MAP3K13: variants seen among roughly 807,000 people sequenced by gnomAD.
MAP3K13 encodes the protein leucine zipper-bearing kinase.
MAP3K13 carries 52 observed loss-of-function variants against 104.0 expected under a neutral mutation model. The ratio of observed to expected loss-of-function variants is 0.50; its 90% confidence interval spans 0.40 to 0.63. MAP3K13 has a LOEUF of 0.63. Among genes scored for constraint, MAP3K13 ranks in the 20% least tolerant of loss-of-function variants. The probability of loss-of-function intolerance (pLI) is 0.00; values close to 1 mark genes in which losing one functional copy is unlikely to be tolerated. For synonymous variants in MAP3K13, 394 were observed against 442.2 expected (o/e 0.89, Z 1.37); for missense variants, 914 against 1,218.5 (o/e 0.75, Z 3.72).
Position 185,317,145 on chromosome 3 carries a change from ATGAAATCTGAG to A in MAP3K13, c.-86+31504_-86+31514del, listed in dbSNP as rs550075450. 3.9e-3 allele frequency among the ~76,000 whole-genome samples: 596 copies of A among 152,320 alleles called. 6 individuals carry two copies. Among genetic ancestry groups the A allele is most frequent in the African/African-American group, 0.014 (575 of 41,576 alleles). On this transcript the variant is annotated intron_variant, in intron 2 of 14. Transcript: ENST00000424227. ...AATATGTTCTGTAGAAACTCAGATT[ATGAAATCTGAG>A]TTACGTTTTTTCAGCCCTGAAAACA... is the stretch of plus-strand genomic sequence containing the variant.
At chr3:185,346,083 A>G (rs926817457) in intron 2 of MAP3K13, among the ~76,000 whole-genome samples, 2 of 152,220 alleles carry the variant, frequency 1.3e-5, no homozygotes, top group South Asian at 4.1e-4. Flanking sequence ...GTTATTAACT[A>G]TAGTCACTGT....
intron 2 of MAP3K13, among the ~76,000 whole-genome samples, chr3:185,302,157 C>G (rs1721130264): frequency 6.6e-6 from 1 of 151,736 alleles, no homozygotes. Flanking sequence ...AATCCCAGCA[C>G]TTTGGGAGGC....
At chr3:185,320,501 TAATA>T (rs1721817520) in intron 2 of MAP3K13, among the ~76,000 whole-genome samples, 1 of 152,198 alleles carries the variant, frequency 6.6e-6, no homozygotes, top group South Asian at 2.1e-4. Flanking sequence ...TACATTAGGT[TAATA>T]AATGATAATA....
Position 185,447,899 on chromosome 3 carries a change from C to T in MAP3K13, c.962C>T (p.Ala321Val), listed in dbSNP as rs1715680991. The T allele has an allele frequency of 1.2e-6, 2 of 1,613,880 alleles. No homozygotes were observed. Among genetic ancestry groups the T allele is most frequent in the South Asian group, 1.1e-5 (1 of 91,036 alleles). The change falls in exon 5 of 14, where the codon GCG becomes GTG. Residue 321 changes from alanine (A) to valine (V), a missense_variant. Coordinates refer to ENST00000265026, the MANE Select transcript of MAP3K13 (RefSeq NM_004721.5). ...MSFAGTVAWMAPEVIRNEPVS... is the reference protein window; with the variant it reads ...MSFAGTVAWMVPEVIRNEPVS... ...TTTGCTGGCACGGTCGCATGGATGG[C>T]GCCAGAGGTGATACGGAATGAACCT... is the stretch of plus-strand genomic sequence containing the variant.
At chr3:185,468,908 G>A (rs1717614920) in intron 10 of MAP3K13, among the ~76,000 whole-genome samples, 4 of 152,310 alleles carry the variant, frequency 2.6e-5, no homozygotes, top group East Asian at 1.9e-4. Flanking sequence ...AACTAAGAGC[G>A]CTGGGGGAGA....
intron 7 of MAP3K13, among the ~76,000 whole-genome samples, chr3:185,462,396 G>T (rs1466362244): frequency 1.3e-5 from 2 of 152,014 alleles, no homozygotes; most frequent in East Asian, 3.8e-4. Flanking sequence ...TAAAATTCTT[G>T]GTCCCCACCC....
intron 1 of MAP3K13, among the ~76,000 whole-genome samples, chr3:185,365,777 A>T (rs2108745214): frequency 6.6e-6 from 1 of 151,322 alleles, no homozygotes; most frequent in Non-Finnish European, 1.5e-5. Context: ...TAGAAAGGAA[A>T]ATGCCGGAAA....
At chr3:185,300,256 C>T (rs1440092475) in intron 2 of MAP3K13, among the ~76,000 whole-genome samples, 1 of 146,284 alleles carries the variant, frequency 6.8e-6, no homozygotes, top group African/African-American at 2.5e-5. Flanking sequence ...GTGGCACGAT[C>T]TCGGCTTATT....
chr3:185,456,138 A>G (rs1716730226), intron 7 of MAP3K13, among the ~76,000 whole-genome samples: 1 of 151,824 alleles, frequency 6.6e-6, no homozygotes, highest in Non-Finnish European at 1.5e-5. Context: ...TAGTAAAGGC[A>G]TAGGTTTTTG....
chr3:185,381,836 T>C (rs530113338), intron 1 of MAP3K13, among the ~76,000 whole-genome samples: 1 of 152,350 alleles, frequency 6.6e-6, no homozygotes, highest in African/African-American at 2.4e-5. Context: ...AGGTTATGTA[T>C]TGATCAGTTG....
At chr3:185,293,070 T>A (rs1216847126) in intron 2 of MAP3K13, 7 of 982,898 alleles carry the variant, frequency 7.1e-6, no homozygotes, top group Non-Finnish European at 8.5e-6. Flanking sequence ...TACTTTTTTT[T>A]TTCCTGTGAG....
chr3:185,336,498 C>T (rs575964835), intron 2 of MAP3K13, among the ~76,000 whole-genome samples: 3 of 148,268 alleles, frequency 2.0e-5, no homozygotes, highest in Admixed American at 6.8e-5. Flanking sequence ...GCCGAGATGG[C>T]GCCATTGCAC....
At position 185,451,357 on chromosome 3, in the gene MAP3K13, G is replaced by A. The variant is rs1435125743; in HGVS notation, c.1240G>A (p.Val414Ile). ...GCATTTAGACATTGCCTCTGCAGAT[G>A]TACTTGCCACCCCACAAGAAACTTA... ...LMHLDIASADVLATPQETYFK... is the reference protein window; with the variant it reads ...LMHLDIASADILATPQETYFK... Residue 414 changes from valine (V) to isoleucine (I), a missense_variant, in exon 7 of 14, where the codon GTA becomes ATA. Coordinates refer to ENST00000265026, the MANE Select transcript of MAP3K13 (RefSeq NM_004721.5). 6.2e-7 allele frequency: 1 copy of A among 1,613,738 alleles called. No homozygotes were observed. Among genetic ancestry groups the A allele is most frequent in the South Asian group, 1.1e-5 (1 of 91,076 alleles).
chr3:185,460,491 T>TCCTCC, intron 7 of MAP3K13, among the ~76,000 whole-genome samples: 1 of 152,254 alleles, frequency 6.6e-6, no homozygotes, highest in Admixed American at 6.5e-5. Context: ...CATGCAGGAC[T>TCCTCC]CCTCCCACCC....
intron 1 of MAP3K13, among the ~76,000 whole-genome samples, chr3:185,378,010 G>GT (rs1724520510): frequency 6.6e-6 from 1 of 152,184 alleles, no homozygotes; most frequent in African/African-American, 2.4e-5. Flanking sequence ...CTGGGGTGGG[G>GT]GGAGGTTCTG....
At chr3:185,441,498 G>A (rs568487718) in intron 3 of MAP3K13, among the ~76,000 whole-genome samples, 1 of 152,180 alleles carries the variant, frequency 6.6e-6, no homozygotes, top group African/African-American at 2.4e-5. Context: ...AGTGGCTGTT[G>A]TATATCATAG....
intron 1 of MAP3K13, among the ~76,000 whole-genome samples, chr3:185,386,250 A>G (rs1711681069): frequency 1.3e-5 from 2 of 152,176 alleles, no homozygotes; most frequent in Admixed American, 1.3e-4. Context: ...AAAAGTGGGC[A>G]AAGGACATGA....
intron 2 of MAP3K13, among the ~76,000 whole-genome samples, chr3:185,345,502 C>T (rs1163553159): frequency 2.0e-5 from 3 of 152,222 alleles, no homozygotes; most frequent in Non-Finnish European, 2.9e-5. Context: ...TTTACAGCTG[C>T]TCCCCATCAC....
chr3:185,452,644 A>G lies in MAP3K13; in HGVS notation c.1278+1249A>G, dbSNP rs181292511. Among the ~76,000 whole-genome samples the G allele has an allele frequency of 4.6e-5, 7 of 152,148 alleles. No individual in the cohort carries two copies. The East Asian group carries it at 1.4e-3, about 29-fold the overall frequency. On this transcript the variant is annotated intron_variant, in intron 7 of 13. Transcript: ENST00000265026. ...AGTTCTACTGGCTTTGACTGGGCTC[A>G]CTCGTGTGTCTGTGGTGAATTGTCA...
Sources: allele counts gnomAD v4.1 joint callset (sites outside exome capture counted in the v4.1 genomes callset), GRCh38; gene constraint gnomAD v4.1.1; transcripts MANE v1.5; gene names NCBI Gene and HGNC (gene_info 2026-07-23, HGNC 2026-07-21).